Variants in TCF7L1 observed in about 807,000 individuals in gnomAD.
TCF7L1 encodes the protein transcription factor 7-like 1.
In TCF7L1, 18 loss-of-function variants were observed where a neutral mutation model predicts 63.7. The observed-to-expected ratio is 0.28, with a 90% CI of 0.20 to 0.42. The LOEUF is 0.42. Ranked by LOEUF, TCF7L1 falls within the 10% of genes least tolerant of loss-of-function variation. TCF7L1 has a pLI of 1.00. For synonymous variants in TCF7L1, 355 were observed against 340.9 expected (o/e 1.04, Z -0.46); for missense variants, 654 against 779.3 (o/e 0.84, Z 1.91).
chr2:85,189,776 G>A (rs901711984), intron 3 of TCF7L1, among the ~76,000 whole-genome samples: 21 of 152,222 alleles, frequency 1.4e-4, no homozygotes, highest in African/African-American at 2.7e-4. Flanking sequence ...ATGCGCCTCC[G>A]AGACCCCGGC....
intron 3 of TCF7L1, among the ~76,000 whole-genome samples, chr2:85,243,790 G>A (rs955591527): frequency 1.3e-5 from 2 of 152,148 alleles, no homozygotes; most frequent in African/African-American, 4.8e-5. Context: ...GAAAGGGCCG[G>A]GTATTCATAT....
intron 3 of TCF7L1, among the ~76,000 whole-genome samples, chr2:85,244,008 C>A (rs999720817): frequency 6.6e-6 from 1 of 152,166 alleles, no homozygotes; most frequent in African/African-American, 2.4e-5. Flanking sequence ...CTTGTTCATT[C>A]ATTTATTCAA....
intron 3 of TCF7L1, among the ~76,000 whole-genome samples, chr2:85,231,140 T>C (rs79217476): frequency 0.039 from 6,006 of 152,294 alleles, 198 homozygotes; most frequent in Non-Finnish European, 0.054. Flanking sequence ...CCAGGTCTAA[T>C]GTGCGCCCCC....
At chr2:85,250,386 A>G (rs1573009853) in intron 3 of TCF7L1, among the ~76,000 whole-genome samples, 1 of 152,168 alleles carries the variant, frequency 6.6e-6, no homozygotes, top group South Asian at 2.1e-4. Flanking sequence ...TGGGCCTTTT[A>G]AAAAAGCACT....
rs57303678 is a variant in TCF7L1 at position 85,172,902 on chromosome 2, C to T, written c.441+38452C>T. Among the ~76,000 whole-genome samples, 1,027 of 152,296 alleles carry T rather than the reference C, an allele frequency of 6.7e-3. 9 individuals carry two copies. The highest frequency in any genetic ancestry group is 0.023 in the African/African-American group (973 of 41,552). ...CTCCTGGATTTATTTGAGTCCAGAG[C>T]ACCCCTGCCATCATTGGTCATTGCC... On this transcript the variant is annotated intron_variant, in intron 3 of 11. Coordinates refer to ENST00000282111, the MANE Select transcript of TCF7L1 (RefSeq NM_031283.3).
chr2:85,144,693 TC>T (rs1677827304), intron 3 of TCF7L1, among the ~76,000 whole-genome samples: 1 of 151,350 alleles, frequency 6.6e-6, no homozygotes, highest in Admixed American at 6.6e-5. Flanking sequence ...TTGTCTTCTT[TC>T]CCATCCCCCT....
At chr2:85,189,884 C>G (rs914133885) in intron 3 of TCF7L1, among the ~76,000 whole-genome samples, 8 of 152,176 alleles carry the variant, frequency 5.3e-5, no homozygotes, top group Non-Finnish European at 1.2e-4. Context: ...GCCCAGGGCC[C>G]GGGAGTGAGC....
intron 3 of TCF7L1, among the ~76,000 whole-genome samples, chr2:85,249,703 G>A (rs1680548721): frequency 6.6e-6 from 1 of 152,158 alleles, no homozygotes; most frequent in African/African-American, 2.4e-5. Context: ...CTTAGTTCTG[G>A]TGGAACATAT....
intron 3 of TCF7L1, among the ~76,000 whole-genome samples, chr2:85,252,445 C>G (rs1680613914): frequency 6.6e-6 from 1 of 152,188 alleles, no homozygotes; most frequent in Non-Finnish European, 1.5e-5. Context: ...TGCTATCACT[C>G]TACTACCCTG....
In TCF7L1 at chr2:85,306,786, T is replaced by C. The variant is rs1257811949; in HGVS notation, c.1257+227T>C. Among the ~76,000 whole-genome samples, 1 of 152,166 alleles carries C rather than the reference T, an allele frequency of 6.6e-6. No individual in the cohort carries two copies. Among genetic ancestry groups the C allele is most frequent in the Non-Finnish European group, 1.5e-5 (1 of 68,030 alleles). ...TTCACACCATTCTCCTGTCTCAGCC[T>C]CCCGAGTAGCTGGGACTACAGGCAC... On this transcript the variant is annotated intron_variant, in intron 10 of 11. Transcript: ENST00000282111. This position sits in a 1 kb window ranked among gnomAD's most constrained non-coding sequence, Gnocchi z 4.3.
intron 3 of TCF7L1, among the ~76,000 whole-genome samples, chr2:85,277,694 G>A (rs370149093): frequency 1.8e-4 from 27 of 152,324 alleles, no homozygotes; most frequent in African/African-American, 5.5e-4. Context: ...AGCGGAAGGC[G>A]TTCTCTGGGC....
chr2:85,278,661 G>A (rs956055422), intron 3 of TCF7L1, among the ~76,000 whole-genome samples: 1 of 152,146 alleles, frequency 6.6e-6, no homozygotes, highest in Non-Finnish European at 1.5e-5. Context: ...CCTTAATGAG[G>A]TAAAGACATG....
At chr2:85,142,548 T>C (rs1272940572) in intron 3 of TCF7L1, among the ~76,000 whole-genome samples, 1 of 150,734 alleles carries the variant, frequency 6.6e-6, no homozygotes, top group African/African-American at 2.4e-5. Context: ...GGGCAGATAT[T>C]GAGATATTGA....
intron 3 of TCF7L1, among the ~76,000 whole-genome samples, chr2:85,172,659 C>CCCGCCTTGGCCTCCCAA (rs1678576301): frequency 6.6e-6 from 1 of 152,190 alleles, no homozygotes; most frequent in African/African-American, 2.4e-5. Context: ...CTCCTGACCT[C>CCCGCCTTGGCCTCCCAA]AGGTGATCTG....
chr2:85,283,199 G>C (rs1030872858), intron 3 of TCF7L1, among the ~76,000 whole-genome samples: 2 of 150,996 alleles, frequency 1.3e-5, no homozygotes, highest in African/African-American at 4.9e-5. Flanking sequence ...TGAATATGTT[G>C]ATTGGTTGTG....
chr2:85,145,744 G>T (rs1230370473), intron 3 of TCF7L1, among the ~76,000 whole-genome samples: 1 of 152,230 alleles, frequency 6.6e-6, no homozygotes, highest in East Asian at 1.9e-4. Flanking sequence ...ACAGGACTAG[G>T]GTCCAGCTGC....
At chr2:85,296,527 G>A (rs1180288640) in intron 4 of TCF7L1, among the ~76,000 whole-genome samples, 1 of 152,160 alleles carries the variant, frequency 6.6e-6, no homozygotes, top group Non-Finnish European at 1.5e-5. Context: ...CCACCCTAGG[G>A]TAACAATTTT....
At position 85,134,381 on chromosome 2, in the gene TCF7L1, C is replaced by G. The variant is rs568799767; in HGVS notation, c.372C>G (p.Phe124Leu). The G allele has an allele frequency of 8.9e-6, 14 of 1,576,080 alleles. No individual in the cohort carries two copies. In the Admixed American group the frequency reaches 2.0e-4, roughly 22 times the overall value. Reference sequence around the variant, plus strand: ...GACCCCCGTACCCTGGGTACCCCTTCCTGATGATCCCGGACCTGAGCAGCC... The same window carrying G: ...GACCCCCGTACCCTGGGTACCCCTTGCTGATGATCCCGGACCTGAGCAGCC... The part of the protein sequence containing the change: ...FKGPPYPGYP[F>L]LMIPDLSSPY... The change falls in exon 3 of 12, where the codon TTC (phenylalanine) becomes TTG (leucine). Residue 124 changes from phenylalanine to leucine, a missense_variant. This residue lies in a region of TCF7L1 where 404 missense variants were observed against 454.8 expected (regional missense o/e 0.89). Coordinates refer to ENST00000282111, the MANE Select transcript of TCF7L1 (RefSeq NM_031283.3). This position sits in a 1 kb window ranked among gnomAD's most constrained non-coding sequence, Gnocchi z 5.0.
chr2:85,306,424 G>A lies in TCF7L1; in HGVS notation c.1150-28G>A, dbSNP rs112142881. On this transcript the variant is annotated intron_variant, in intron 9 of 11. Transcript: ENST00000282111. The surrounding 1 kb of genome is among the most constrained non-coding windows in gnomAD (Gnocchi z 4.3). ...GCAGCGTCCCTGCATTGATGGCTCCGTGTGGTCTCTGACCCTCTCTCCCCC... is the reference window on the plus strand; with the variant it reads ...GCAGCGTCCCTGCATTGATGGCTCCATGTGGTCTCTGACCCTCTCTCCCCC... The A allele has an allele frequency of 1.1e-5, 17 of 1,613,880 alleles. No homozygotes were observed. Among genetic ancestry groups the A allele is most frequent in the Middle Eastern group, 1.6e-4 (1 of 6,062 alleles).
Sources: allele counts gnomAD v4.1 joint callset (sites outside exome capture counted in the v4.1 genomes callset), GRCh38; gene constraint gnomAD v4.1.1; regional missense constraint gnomAD v4.1.1; non-coding constraint Gnocchi (gnomAD v3.1); transcripts MANE v1.5; gene names NCBI Gene and HGNC (gene_info 2026-07-23, HGNC 2026-07-21).